Variants in OSBPL10 observed in about 807,000 individuals in gnomAD.
OSBPL10 encodes oxysterol-binding protein-related protein 10.
OSBPL10 carries 49 observed loss-of-function variants against 81.7 expected under a neutral mutation model. The ratio of observed to expected loss-of-function variants is 0.60; its 90% CI spans 0.48 to 0.76. The LOEUF (loss-of-function observed/expected upper bound fraction) is 0.76. Among genes scored for constraint, OSBPL10 ranks in the 30% least tolerant of loss-of-function variants. The pLI, the probability that OSBPL10 is intolerant of heterozygous loss-of-function variation, is 0.00. For synonymous variants in OSBPL10, 419 were observed against 383.6 expected, an observed-to-expected ratio of 1.09 and a Z score of -1.08; for missense variants, 923 against 987.8, an observed-to-expected ratio of 0.93 and a Z score of 0.88.
intron 2 of OSBPL10, among the ~76,000 whole-genome samples, chr3:32,046,327 G>C (rs973554335): frequency 7.2e-5 from 11 of 152,178 alleles, no homozygotes; most frequent in Non-Finnish European, 1.5e-4. Context: ...TGTCCTGGTT[G>C]TCTCCCATCT....
chr3:31,670,875 C>T lies in OSBPL10; in HGVS notation c.1835G>A (p.Ser612Asn). 1 of 1,614,154 alleles carries T rather than the reference C, an allele frequency of 6.2e-7. No individual in the cohort carries two copies. The change falls in exon 9 of 12, where the codon AGC (serine) becomes AAC (asparagine). Residue 612 changes from serine to asparagine, a missense_variant. Coordinates refer to ENST00000396556, the MANE Select transcript of OSBPL10 (RefSeq NM_017784.5). The part of the protein sequence containing the change: ...IPWVELGGKV[S>N]INCAKTGYSA... Reference sequence around the variant, plus strand: ...GTACCCAGTCTTGGCACAGTTGATGCTGACTTTTCCTCCGAGCTCCACCCA... The same window carrying T: ...GTACCCAGTCTTGGCACAGTTGATGTTGACTTTTCCTCCGAGCTCCACCCA...
At chr3:31,947,990 T>C (rs1008424310) in intron 1 of OSBPL10, among the ~76,000 whole-genome samples, 3 of 152,176 alleles carry the variant, frequency 2.0e-5, no homozygotes, top group Non-Finnish European at 4.4e-5. Context: ...ATCGTTGACT[T>C]CACTAAGTGA....
chr3:31,934,083 A>AC (rs1485536604), intron 1 of OSBPL10, among the ~76,000 whole-genome samples: 1 of 151,746 alleles, frequency 6.6e-6, no homozygotes, highest in African/African-American at 2.4e-5. Context: ...GTTTAAAAAA[A>AC]AAAAAACAAA....
At chr3:31,763,270 C>T (rs1229535166) in intron 4 of OSBPL10, among the ~76,000 whole-genome samples, 1 of 152,226 alleles carries the variant, frequency 6.6e-6, no homozygotes, top group Non-Finnish European at 1.5e-5. Context: ...TGCTGCTTTA[C>T]TGACTCACTT....
At chr3:31,842,159 G>A (rs1700513937) in intron 3 of OSBPL10, among the ~76,000 whole-genome samples, 1 of 151,888 alleles carries the variant, frequency 6.6e-6, no homozygotes, top group South Asian at 2.1e-4. Context: ...GGTGGGTAAA[G>A]ATTCAAAGTT....
chr3:31,889,588 G>A (rs1463478335), intron 1 of OSBPL10, among the ~76,000 whole-genome samples: 1 of 151,190 alleles, frequency 6.6e-6, no homozygotes, highest in African/African-American at 2.4e-5. Flanking sequence ...CTCATGTATG[G>A]AAACTTAAAA....
At chr3:31,688,283 T>TCACA (rs55643097) in intron 7 of OSBPL10, among the ~76,000 whole-genome samples, 1,889 of 115,324 alleles carry the variant, frequency 0.016, 42 homozygotes, top group African/African-American at 0.041. Flanking sequence ...TCTCTCTCTC[T>TCACA]CACACACACA....
chr3:31,668,803 G>A lies in OSBPL10; in HGVS notation c.1935C>T (p.His645=), dbSNP rs533934765. ...KVHRVTAEVK[H]NPTNTIVCKA... is the part of the protein sequence containing the mutation. ...TACAAACAATGGTGTTGGTTGGGTTGTGCTTCACTTCTGCGGTAACCCTGA... is the reference window on the plus strand; with the variant it reads ...TACAAACAATGGTGTTGGTTGGGTTATGCTTCACTTCTGCGGTAACCCTGA... The change falls in exon 10 of 12, where the codon CAC becomes CAT. Residue 645 remains histidine, a synonymous_variant. Transcript: ENST00000396556. 1.9e-5 allele frequency: 30 copies of A among 1,611,340 alleles called. No homozygotes were observed. The Admixed American group carries it at 4.5e-4, about 24-fold the overall frequency.
At chr3:31,957,704 A>C (rs537164813) in intron 1 of OSBPL10, among the ~76,000 whole-genome samples, 1 of 152,200 alleles carries the variant, frequency 6.6e-6, no homozygotes. Context: ...GCAGTGGTGC[A>C]ATCTCGGCTC....
At chr3:31,959,898 GAA>G (rs1559532626) in intron 1 of OSBPL10, among the ~76,000 whole-genome samples, 3 of 152,218 alleles carry the variant, frequency 2.0e-5, no homozygotes, top group East Asian at 3.9e-4. Context: ...GGTTTATTGT[GAA>G]AAACACTTGC....
chr3:31,762,649 T>TTTTTTTTTTTTTTTG (rs1698084622), intron 4 of OSBPL10, among the ~76,000 whole-genome samples: 1 of 140,174 alleles, frequency 7.1e-6, no homozygotes, highest in Non-Finnish European at 1.6e-5. Context: ...TTTTTTTTTT[T>TTTTTTTTTTTTTTTG]GTAGAGATGG....
At chr3:31,878,027 C>T (rs977815658) in intron 2 of OSBPL10, among the ~76,000 whole-genome samples, 4 of 152,092 alleles carry the variant, frequency 2.6e-5, no homozygotes, top group Non-Finnish European at 2.9e-5. Flanking sequence ...GCTTGTGGGA[C>T]GGGCTAAGGA....
intron 6 of OSBPL10, among the ~76,000 whole-genome samples, chr3:31,726,424 C>G (rs1205333365): frequency 3.3e-5 from 5 of 152,048 alleles, no homozygotes; most frequent in African/African-American, 4.8e-5. Flanking sequence ...TCAAGCGATT[C>G]CCCCTCCTCA....
At chr3:31,728,684 C>T (rs913919613) in intron 6 of OSBPL10, among the ~76,000 whole-genome samples, 5 of 152,082 alleles carry the variant, frequency 3.3e-5, no homozygotes, top group Middle Eastern at 6.8e-3. Flanking sequence ...TATGACATTC[C>T]GGGAAAGACA....
At chr3:31,688,541 A>C (rs1355647612) in intron 7 of OSBPL10, among the ~76,000 whole-genome samples, 1 of 152,110 alleles carries the variant, frequency 6.6e-6, no homozygotes, top group Non-Finnish European at 1.5e-5. Flanking sequence ...CTCTTAGTGG[A>C]TAGACACCTG....
At chr3:31,985,959 C>A (rs895982729), upstream of OSBPL10, among the ~76,000 whole-genome samples, 1 of 152,138 alleles carries the variant, frequency 6.6e-6, no homozygotes, top group South Asian at 2.1e-4. Context: ...TCTGGTGGAG[C>A]CAGGATTTCA....
upstream of OSBPL10, among the ~76,000 whole-genome samples, chr3:31,983,768 C>T (rs1022709469): frequency 1.3e-5 from 2 of 152,272 alleles, no homozygotes; most frequent in South Asian, 2.1e-4. Context: ...GGAAAAGGTA[C>T]CTGCAGAATT....
intron 1 of OSBPL10, among the ~76,000 whole-genome samples, chr3:32,065,944 GAAGA>G (rs774799990): frequency 0.16 from 5,805 of 35,868 alleles, 1,225 homozygotes; most frequent in African/African-American, 0.19. Context: ...AAAGAAGAAA[GAAGA>G]AAGAAAGAAA....
chr3:31,768,929 C>G (rs146753377), intron 4 of OSBPL10, among the ~76,000 whole-genome samples: 1 of 152,134 alleles, frequency 6.6e-6, no homozygotes, highest in Non-Finnish European at 1.5e-5. Flanking sequence ...AGAACAATGA[C>G]CATTTTTGCC....
Sources: gnomAD v4.1 joint callset for allele counts (sites outside exome capture counted in the v4.1 genomes callset) on GRCh38, gnomAD v4.1.1 for gene constraint, MANE v1.5 for transcripts, NCBI Gene and HGNC (gene_info 2026-07-23, HGNC 2026-07-21) for gene names.